KIF1C: variants seen among roughly 807,000 people sequenced by gnomAD.
KIF1C encodes the protein kinesin-like protein KIF1C.
Under a neutral mutation model 126.5 loss-of-function variants are expected in KIF1C, and 61 were observed. The observed-to-expected ratio is 0.48, with a 90% CI of 0.39 to 0.60. The LOEUF (loss-of-function observed/expected upper bound fraction) is 0.60, where lower values mean the gene tolerates loss of function less well. KIF1C is among the 20% of genes least tolerant of loss of function. KIF1C has a pLI of 0.00. For synonymous variants in KIF1C, 640 were observed against 580.6 expected (o/e 1.10, Z -1.47); for missense variants, 1,315 against 1,489.2 (o/e 0.88, Z 1.93).
At chr17:5,017,250 A>G (rs960756739) in intron 18 of KIF1C, among the ~76,000 whole-genome samples, 3 of 151,322 alleles carry the variant, frequency 2.0e-5, no homozygotes, top group Non-Finnish European at 4.4e-5. Context: ...CTGTGTTGCC[A>G]AGGGTGGGGA....
intron 18 of KIF1C, among the ~76,000 whole-genome samples, chr17:5,018,703 C>CAAA (rs372234383): frequency 7.5e-6 from 1 of 132,990 alleles, no homozygotes. Flanking sequence ...AACTCCATCT[C>CAAA]AAAAAAAAAA....
Position 5,003,661 on chromosome 17 carries a change from C to G in KIF1C, c.770C>G (p.Ser257Cys). 6.2e-7 allele frequency: 1 copy of G among 1,613,804 alleles called. No homozygotes were observed. The highest frequency in any genetic ancestry group is 8.5e-7 in the Non-Finnish European group (1 of 1,179,920). The stretch of plus-strand genomic sequence containing the variant: ...CTTGCTGGGAGTGAGCGAGCCGACT[C>G]CTCAGGGGCCCGGGGCATGCGCCTG... ...VDLAGSERADSSGARGMRLKE... is the reference protein window; with the variant it reads ...VDLAGSERADCSGARGMRLKE... Residue 257 changes from serine to cysteine, a missense_variant, in exon 9 of 23, where the codon TCC (serine) becomes TGC (cysteine). By Grantham distance (112) the Ser-to-Cys change is moderately radical (BLOSUM62 -1). Around this residue, in one of 2 missense-constraint regions of KIF1C, gnomAD observed 874 missense variants for 1,053.2 expected, o/e 0.83. Transcript: ENST00000320785.
intron 18 of KIF1C, chr17:5,019,677 C>T (rs2045247283): frequency 2.9e-6 from 1 of 343,836 alleles, no homozygotes; most frequent in Admixed American, 4.3e-5. Context: ...GACAGGGCCT[C>T]TGAGCAGTTA....
intron 1 of KIF1C, among the ~76,000 whole-genome samples, chr17:4,999,642 C>CT (rs1974523627): frequency 6.6e-6 from 1 of 152,172 alleles, no homozygotes; most frequent in South Asian, 2.1e-4. Context: ...TGTCCTCTAT[C>CT]TGAACGTTCA....
rs559757701 is a variant in KIF1C, at chr17:5,003,477, C to T, written c.721-135C>T. 351 of 617,820 alleles carry T rather than the reference C, an allele frequency of 5.7e-4. 1 individual carries two copies. Among genetic ancestry groups the T allele is most frequent in the Non-Finnish European group, 7.8e-5 (27 of 346,016 alleles). 38.3% of individuals were successfully genotyped at this position (617,820 alleles called of 1,614,324 possible). ...CTGTTGTCACGTATTCTGTTTCCCC[C>T]GGCCTCCTCCCTCGCCTCCTCCTGG... On this transcript the variant is annotated intron_variant, in intron 8 of 22. Transcript: ENST00000320785.
At position 5,020,557 on chromosome 17, in the gene KIF1C, G is replaced by T; in HGVS notation, c.1816G>T (p.Glu606Ter). The T allele has an allele frequency of 6.2e-7, 1 of 1,614,250 alleles. No homozygotes were observed. The highest frequency in any genetic ancestry group is 8.5e-7 in the Non-Finnish European group (1 of 1,180,028). The change falls in exon 20 of 23, where the codon GAA becomes TAA. Residue 606 changes from glutamate (E) to a stop codon, truncating the protein, a stop_gained. Coordinates refer to ENST00000320785, the MANE Select transcript of KIF1C (RefSeq NM_006612.6). LOFTEE classifies it high-confidence loss of function. This position sits in a 1 kb window ranked among gnomAD's most constrained non-coding sequence, Gnocchi z 5.8. ...RFNHPEQARL[E>*]RERGVPPPPG... ...CAACCACCCGGAGCAGGCAAGGCTG[G>T]AACGGGAACGAGGGGTCCCCCCACC...
At chr17:5,016,118 C>G (rs573184637) in intron 18 of KIF1C, among the ~76,000 whole-genome samples, 2 of 149,484 alleles carry the variant, frequency 1.3e-5, no homozygotes, top group East Asian at 4.0e-4. Flanking sequence ...GGACAAGGGA[C>G]CTGGGGTGTG....
intron 4 of KIF1C, 32 bp from the exon 5 acceptor site, chr17:5,001,190 C>T: frequency 6.2e-7 from 1 of 1,607,156 alleles, no homozygotes; most frequent in South Asian, 1.1e-5. Context: ...TCCAGGGTTA[C>T]TCTGTTTTTC....
At position 5,003,621 on chromosome 17, in the gene KIF1C, A is replaced by G; in HGVS notation, c.730A>G (p.Ile244Val). 1 of 1,612,678 alleles carries G rather than the reference A, an allele frequency of 6.2e-7. No homozygotes were observed. Among genetic ancestry groups the G allele is most frequent in the Non-Finnish European group, 8.5e-7 (1 of 1,179,248 alleles). ...TGLDSEKVSK[I>V]SLVDLAGSER... ...TTTCCTCTGACCCCAGGTCAGTAAG[A>G]TCAGTTTGGTGGACCTTGCTGGGAG... is the stretch of plus-strand genomic sequence containing the variant. The change falls in exon 9 of 23, where the codon ATC becomes GTC. Residue 244 changes from isoleucine (I) to valine (V), a missense_variant. Around this residue, in one of 2 missense-constraint regions of KIF1C, gnomAD observed 874 missense variants for 1,053.2 expected, o/e 0.83. Transcript: ENST00000320785.
In KIF1C at chr17:5,005,007, G is replaced by T. The variant is rs780810998; in HGVS notation, c.1165+7G>T. On this transcript the variant is annotated splice_region_variant and intron_variant, in intron 13 of 22. Coordinates refer to ENST00000320785, the MANE Select transcript of KIF1C (RefSeq NM_006612.6). ...TCAGCCTCTGCTCTGGAAGGTCGAG[G>T]TTCCAGGGAGGGGCAGCTCAGGGAT... 27 of 1,614,202 alleles carry T rather than the reference G, an allele frequency of 1.7e-5. No homozygotes were observed. In the South Asian group the frequency reaches 1.8e-4, roughly 11 times the overall value.
chr17:5,006,518 T>C (rs1795793101), intron 13 of KIF1C, among the ~76,000 whole-genome samples: 1 of 151,552 alleles, frequency 6.6e-6, no homozygotes. Flanking sequence ...TGTATTTTAG[T>C]AGAGACGGGG....
In KIF1C at chr17:5,015,261, ATTTCTTTTTCTT is replaced by A. The variant is rs374416278; in HGVS notation, c.1666+446_1666+457del. 1.1e-3 allele frequency among the ~76,000 whole-genome samples: 173 copies of A among 151,952 alleles called. 1 individual carries two copies. The highest frequency in any genetic ancestry group is 3.4e-3 in the Middle Eastern group (1 of 294). On this transcript the variant is annotated intron_variant, in intron 18 of 22. Transcript: ENST00000320785. Reference sequence around the variant, plus strand: ...CCTCTATCCAGCTATGACTGCCGAGATTTCTTTTTCTTTTTCTTTTTCTTTTTCTTTTTTTTT... The same window carrying A: ...CCTCTATCCAGCTATGACTGCCGAGATTTCTTTTTCTTTTTCTTTTTTTTT...
Position 5,022,789 on chromosome 17 carries a change from A to G in KIF1C, c.2628+80A>G. 1 of 1,400,904 alleles carries G rather than the reference A, an allele frequency of 7.1e-7. No individual in the cohort carries two copies. The highest frequency in any genetic ancestry group is 9.2e-7 in the Non-Finnish European group (1 of 1,081,256). The allele number at this position is 1,400,904 out of a possible 1,614,324, so 86.8% of individuals were successfully genotyped here. The stretch of plus-strand genomic sequence containing the variant: ...GTCTGAACCTTCCATCTCAGAGCCT[A>G]ACCTTCCCCAAGTCTGGAAAAAATT... On this transcript the variant is annotated intron_variant, in intron 22 of 22. Transcript: ENST00000320785. This position sits in a 1 kb window ranked among gnomAD's most constrained non-coding sequence, Gnocchi z 4.9.
At position 5,004,960 on chromosome 17, in the gene KIF1C, A is replaced by G. The variant is rs1254601846; in HGVS notation, c.1125A>G (p.Glu375=). The change falls in exon 13 of 23, where the codon GAA becomes GAG. Residue 375 remains glutamate (E), a synonymous_variant. Coordinates refer to ENST00000320785, the MANE Select transcript of KIF1C (RefSeq NM_006612.6). ...ELQEEVARLR[E]LLMAQGLSAS... Reference sequence around the variant, plus strand: ...AGGAGGAAGTAGCCCGGCTGCGGGAACTGCTGATGGCTCAGGGACTGTCAG... The same window carrying G: ...AGGAGGAAGTAGCCCGGCTGCGGGAGCTGCTGATGGCTCAGGGACTGTCAG... 16 of 1,614,074 alleles carry G rather than the reference A, an allele frequency of 9.9e-6. No individual in the cohort carries two copies. The highest frequency in any genetic ancestry group is 1.4e-5 in the Non-Finnish European group (16 of 1,180,034).
chr17:5,000,252 T>G lies in KIF1C; in HGVS notation c.6T>G (p.Ala2=). 1 of 1,569,192 alleles carries G rather than the reference T, an allele frequency of 6.4e-7. No homozygotes were observed. The highest frequency in any genetic ancestry group is 8.6e-7 in the Non-Finnish European group (1 of 1,157,816). The change falls in exon 3 of 23, where the codon GCT becomes GCG. Residue 2 remains alanine (A), a synonymous_variant. Coordinates refer to ENST00000320785, the MANE Select transcript of KIF1C (RefSeq NM_006612.6). ...GGGCAGGAGTGTCTGGAGCTATGGC[T>G]GGTGCCTCGGTGAAAGTGGCAGTGA... M[A]GASVKVAVRV...
intron 8 of KIF1C, 75 bp downstream of exon 8, chr17:5,002,917 G>A: frequency 8.0e-7 from 1 of 1,246,596 alleles, no homozygotes; most frequent in Non-Finnish European, 1.1e-6. Flanking sequence ...CATGGTAGAA[G>A]GGTCTTGGGC....
At chr17:5,005,756 C>A (rs1974713971) in intron 13 of KIF1C, among the ~76,000 whole-genome samples, 1 of 148,256 alleles carries the variant, frequency 6.7e-6, no homozygotes, top group Non-Finnish European at 1.5e-5. Flanking sequence ...GAGATGGAGT[C>A]TTGCTCTGTC....
In KIF1C at chr17:5,004,123, T is replaced by A. The variant is rs537002327; in HGVS notation, c.940+50T>A. 4.7e-6 allele frequency: 6 copies of A among 1,273,430 alleles called. No homozygotes were observed. The South Asian group carries it at 7.1e-5, about 15-fold the overall frequency. 78.9% of individuals were successfully genotyped at this position (1,273,430 alleles called of 1,614,324 possible). A position where few individuals can be genotyped will look rare whatever the true frequency, so the allele number is the denominator to read the frequency against. On this transcript the variant is annotated intron_variant, in intron 11 of 22. Transcript: ENST00000320785. ...GCCGACCCTGACACATCCCACAAAC[T>A]CTTTTGATACATCTGACAAATCCCC...
rs892086009 is a variant in KIF1C at position 5,027,532 on chromosome 17, C to A, written c.*3381C>A. 1 of 152,260 alleles carries A rather than the reference C, an allele frequency of 6.6e-6. No homozygotes were observed. Among genetic ancestry groups the A allele is most frequent in the African/African-American group, 2.4e-5 (1 of 41,422 alleles). 9.4% of individuals were successfully genotyped at this position (152,260 alleles called of 1,614,324 possible). On this transcript the variant is annotated 3_prime_UTR_variant, in exon 23 of 23. Transcript: ENST00000320785. ...TGCCTCCCAAGCCAAGCAGCTGGTA[C>A]TGCAAGCATGTGCCACCGTGCCTGG...
Sources: allele counts gnomAD v4.1 joint callset (sites outside exome capture counted in the v4.1 genomes callset), GRCh38; gene constraint gnomAD v4.1.1; regional missense constraint gnomAD v4.1.1; non-coding constraint Gnocchi (gnomAD v3.1); transcripts MANE v1.5; gene names NCBI Gene and HGNC (gene_info 2026-07-23, HGNC 2026-07-21).